Variants in SHISA9 observed in about 807,000 individuals in gnomAD.
The protein encoded by SHISA9 is shisa family member 9.
In SHISA9, 13 loss-of-function variants were observed where a neutral mutation model predicts 38.0. The observed-to-expected ratio is 0.34, with a 90% CI of 0.22 to 0.54. The LOEUF is 0.54. Among genes scored for constraint, SHISA9 ranks in the 20% least tolerant of loss-of-function variants. The probability of loss-of-function intolerance (pLI) is 0.91; values close to 1 mark genes in which losing one functional copy is unlikely to be tolerated. For missense variants in SHISA9, 538 were observed against 575.8 expected (o/e 0.93, Z 0.67); for synonymous variants, 275 against 242.0 (o/e 1.14, Z -1.27).
intron 3 of SHISA9, among the ~76,000 whole-genome samples, chr16:13,205,415 T>G (rs927623425): frequency 6.6e-6 from 1 of 152,182 alleles, no homozygotes. Context: ...GAGGAGAGAT[T>G]TTAAAGCCAG....
chr16:13,228,734 G>C (rs968121431), intron 4 of SHISA9, among the ~76,000 whole-genome samples: 1 of 152,116 alleles, frequency 6.6e-6, no homozygotes, highest in African/African-American at 2.4e-5. Flanking sequence ...AGGAGTACAA[G>C]TGCAGGTTTG....
intron 2 of SHISA9, among the ~76,000 whole-genome samples, chr16:12,990,645 A>G (rs543943379): frequency 7.9e-4 from 120 of 152,254 alleles, no homozygotes; most frequent in Non-Finnish European, 1.4e-3. Flanking sequence ...GACCATTTTG[A>G]TTATCAAAAC....
chr16:13,329,486 C>A, the SHISA9 span, among the ~76,000 whole-genome samples: 4 of 152,170 alleles, frequency 2.6e-5, no homozygotes, highest in Non-Finnish European at 5.9e-5. Context: ...CTTCACCCCT[C>A]CCTCCAGCCA....
chr16:13,026,955 T>C (rs1196496261), intron 2 of SHISA9, among the ~76,000 whole-genome samples: 2 of 152,194 alleles, frequency 1.3e-5, no homozygotes, highest in African/African-American at 4.8e-5. Flanking sequence ...GTTTTAAGGT[T>C]GAAAGTCATT....
intron 2 of SHISA9, among the ~76,000 whole-genome samples, chr16:13,107,811 A>G (rs568668847): frequency 6.6e-6 from 1 of 152,274 alleles, no homozygotes; most frequent in South Asian, 2.1e-4. Flanking sequence ...GAATGAGGGC[A>G]GTGGCAGTGG....
intron 2 of SHISA9, among the ~76,000 whole-genome samples, chr16:12,985,237 A>ATAAG (rs1197932861): frequency 1.5e-5 from 2 of 129,770 alleles, no homozygotes; most frequent in South Asian, 2.3e-4. Context: ...AAATAAATAA[A>ATAAG]TAAGTAAATA....
At chr16:13,113,605 T>A (rs542727004) in intron 2 of SHISA9, among the ~76,000 whole-genome samples, 2 of 152,218 alleles carry the variant, frequency 1.3e-5, no homozygotes, top group South Asian at 4.1e-4. Flanking sequence ...AGGCTCATTA[T>A]TGCGTCCAAT....
the SHISA9 span, among the ~76,000 whole-genome samples, chr16:13,272,399 T>A: frequency 1.3e-5 from 2 of 150,928 alleles, no homozygotes; most frequent in African/African-American, 2.5e-5. Flanking sequence ...TTAAAAACAA[T>A]TTTTTTTTAA....
the SHISA9 span, among the ~76,000 whole-genome samples, chr16:13,300,355 CCCTGCTTCTCCTCATT>C: frequency 6.6e-6 from 1 of 152,078 alleles, no homozygotes; most frequent in East Asian, 1.9e-4. Context: ...GCAAATGTAA[CCCTGCTTCTCCTCATT>C]CCTAGCCCCA....
At chr16:13,412,898 G>A in the SHISA9 span, among the ~76,000 whole-genome samples, 5 of 151,932 alleles carry the variant, frequency 3.3e-5, no homozygotes, top group South Asian at 1.0e-3. Flanking sequence ...AAACAAAAAG[G>A]AGAAAGACAA....
At chr16:12,959,610 G>A (rs1016761449) in intron 2 of SHISA9, among the ~76,000 whole-genome samples, 1 of 152,296 alleles carries the variant, frequency 6.6e-6, no homozygotes, top group South Asian at 2.1e-4. Context: ...AAACCAGGGC[G>A]GAGAGAGATA....
chr16:13,215,043 A>G (rs953739512), intron 4 of SHISA9, among the ~76,000 whole-genome samples: 2 of 152,158 alleles, frequency 1.3e-5, no homozygotes, highest in Non-Finnish European at 2.9e-5. Context: ...ACCCACTGGA[A>G]GGCTCTTGCA....
At chr16:13,338,201 G>C in the SHISA9 span, among the ~76,000 whole-genome samples, 2 of 152,150 alleles carry the variant, frequency 1.3e-5, no homozygotes, top group Admixed American at 1.3e-4. Flanking sequence ...AAGCATCTGA[G>C]TCCTGGTGAT....
the SHISA9 span, among the ~76,000 whole-genome samples, chr16:13,488,784 C>T: frequency 3.3e-5 from 5 of 152,112 alleles, no homozygotes; most frequent in South Asian, 2.1e-4. Flanking sequence ...TTTTTGGAGA[C>T]GGAGTCTCAC....
the SHISA9 span, among the ~76,000 whole-genome samples, chr16:13,302,319 T>C: frequency 1.3e-5 from 2 of 152,160 alleles, no homozygotes; most frequent in African/African-American, 4.8e-5. Flanking sequence ...GCGTCTATAT[T>C]AGAAAGCTGG....
intron 4 of SHISA9, among the ~76,000 whole-genome samples, chr16:13,214,811 A>G (rs1043238786): frequency 6.6e-6 from 1 of 152,128 alleles, no homozygotes; most frequent in Non-Finnish European, 1.5e-5. Flanking sequence ...CTCTCACAAG[A>G]ACAGCACAGG....
intron 2 of SHISA9, among the ~76,000 whole-genome samples, chr16:13,169,489 A>C (rs2050666869): frequency 1.3e-5 from 2 of 152,254 alleles, no homozygotes; most frequent in Admixed American, 1.3e-4. Flanking sequence ...CTTTAAAAAA[A>C]TCATAATCCC....
At chr16:12,960,064 C>G (rs2141790748) in intron 2 of SHISA9, among the ~76,000 whole-genome samples, 1 of 152,284 alleles carries the variant, frequency 6.6e-6, no homozygotes, top group African/African-American at 2.4e-5. Flanking sequence ...TAGGTCAAAA[C>G]AGCCTTCACG....
At chr16:13,009,857 T>C (rs1461272085) in intron 2 of SHISA9, among the ~76,000 whole-genome samples, 1 of 152,158 alleles carries the variant, frequency 6.6e-6, no homozygotes, top group Non-Finnish European at 1.5e-5. Flanking sequence ...AGTGGGGGCT[T>C]GGCATGGCCT....
Sources: allele counts gnomAD v4.1 joint callset (sites outside exome capture counted in the v4.1 genomes callset), GRCh38; gene constraint gnomAD v4.1.1; transcripts MANE v1.5; gene names NCBI Gene and HGNC (gene_info 2026-07-23, HGNC 2026-07-21).